Variants in CDH18 observed in about 807,000 individuals in gnomAD.
CDH18 encodes the protein cadherin-18.
In CDH18, 31 loss-of-function variants were observed where a neutral mutation model predicts 67.9. The observed-to-expected ratio is 0.46, with a 90% confidence interval of 0.34 to 0.62. The LOEUF is 0.62. Ranked by LOEUF, CDH18 falls within the 20% of genes least tolerant of loss-of-function variation. The probability of loss-of-function intolerance (pLI) is 0.01; values close to 1 mark genes in which losing one functional copy is unlikely to be tolerated. For synonymous variants in CDH18, 362 were observed against 347.2 expected (o/e 1.04, Z -0.48); for missense variants, 890 against 975.5 (o/e 0.91, Z 1.17).
At chr5:19,767,274 G>T (rs1773214642) in intron 3 of CDH18, among the ~76,000 whole-genome samples, 2 of 151,840 alleles carry the variant, frequency 1.3e-5, no homozygotes, top group Non-Finnish European at 2.9e-5. Context: ...GTTTTATAAG[G>T]TCACAAATAA....
intron 2 of CDH18, among the ~76,000 whole-genome samples, chr5:19,873,485 G>A (rs2150028585): frequency 6.6e-6 from 1 of 152,108 alleles, no homozygotes; most frequent in South Asian, 2.1e-4. Context: ...GGAAAGGCAA[G>A]AAGTTGAAAA....
rs538768800 is a variant in CDH18, at chr5:20,066,013, G to A, written c.-517-73999C>T. 3.9e-5 allele frequency among the ~76,000 whole-genome samples: 6 copies of A among 152,106 alleles called. No homozygotes were observed. The South Asian group carries it at 1.2e-3, about 32-fold the overall frequency. On this transcript the variant is annotated intron_variant, in intron 2 of 14. Coordinates refer to the CDH18 transcript ENST00000507958. The stretch of plus-strand genomic sequence containing the variant: ...TTTTATTGATGACATTTTCAAATTA[G>A]AGATATGTATTTTTAATAAAAAATG...
rs548172912 is a variant in CDH18, at chr5:20,349,313, C to T, written c.-579-93808G>A. Among the ~76,000 whole-genome samples, 7 of 152,058 alleles carry T rather than the reference C, an allele frequency of 4.6e-5. No individual in the cohort carries two copies. The South Asian group carries it at 1.0e-3, about 23-fold the overall frequency. On this transcript the variant is annotated intron_variant, in intron 1 of 14. Coordinates refer to the CDH18 transcript ENST00000507958. The stretch of plus-strand genomic sequence containing the variant: ...TTTTGCCTTTTTCAAGACAAAAGAT[C>T]GAATTTTAGTATGATGTGATTTAAG...
At chr5:19,598,388 C>T (rs751153014) in intron 6 of CDH18, among the ~76,000 whole-genome samples, 3 of 151,978 alleles carry the variant, frequency 2.0e-5, no homozygotes, top group Admixed American at 6.6e-5. Context: ...TCCAACTTTA[C>T]GCTGGGCATT....
At chr5:20,443,132 C>T (rs1004195922) in intron 1 of CDH18, among the ~76,000 whole-genome samples, 2 of 138,270 alleles carry the variant, frequency 1.4e-5, no homozygotes, top group South Asian at 4.8e-4. Context: ...ATGGCGTGAA[C>T]CCGGGAGGCG....
chr5:20,510,752 G>A (rs1581130837), intron 1 of CDH18, among the ~76,000 whole-genome samples: 1 of 152,116 alleles, frequency 6.6e-6, no homozygotes, highest in East Asian at 1.9e-4. Context: ...TATTTCCTCT[G>A]GATGATTAAG....
rs753965365 is a variant in CDH18, at chr5:19,747,167, T to A, written c.298A>T (p.Ile100Leu). ...CCCGTGGTATCGTCAATGATAAATA[T>A]AGTCCCAGCACCCTCTCCAGTAAGG... ...YILTGEGAGT[I>L]FIIDDTTGDI... The change falls in exon 4 of 13, where the codon ATA becomes TTA. Residue 100 changes from isoleucine to leucine, a missense_variant. Ile to Leu is a conservative substitution (Grantham distance 5, BLOSUM62 2). Coordinates refer to ENST00000382275, the MANE Select transcript of CDH18 (RefSeq NM_004934.5). The A allele has an allele frequency of 1.9e-6, 3 of 1,613,994 alleles. No individual in the cohort carries two copies. Among genetic ancestry groups the A allele is most frequent in the East Asian group, 2.2e-5 (1 of 44,866 alleles).
intron 2 of CDH18, among the ~76,000 whole-genome samples, chr5:20,081,019 T>A (rs1237791447): frequency 6.6e-6 from 1 of 152,164 alleles, no homozygotes; most frequent in Non-Finnish European, 1.5e-5. Flanking sequence ...AAAAAGATTT[T>A]TTATTTAATT....
chr5:20,319,390 C>G (rs1018402300), intron 1 of CDH18, among the ~76,000 whole-genome samples: 1 of 152,156 alleles, frequency 6.6e-6, no homozygotes, highest in Non-Finnish European at 1.5e-5. Flanking sequence ...TATCACTGGA[C>G]ACTTCTCACA....
At chr5:20,518,675 T>C (rs1190317843) in intron 1 of CDH18, among the ~76,000 whole-genome samples, 3 of 152,182 alleles carry the variant, frequency 2.0e-5, no homozygotes, top group Non-Finnish European at 2.9e-5. Context: ...TAAGGAGCCA[T>C]GTGGGCCTGA....
At chr5:20,109,812 A>C (rs1457400786) in intron 2 of CDH18, among the ~76,000 whole-genome samples, 1 of 152,214 alleles carries the variant, frequency 6.6e-6, no homozygotes, top group Non-Finnish European at 1.5e-5. Flanking sequence ...CTAACTTCAA[A>C]GAGGTTTTTG....
intron 3 of CDH18, among the ~76,000 whole-genome samples, chr5:19,760,560 C>T (rs62353614): frequency 0.1 from 15,490 of 152,144 alleles, 879 homozygotes; most frequent in Admixed American, 0.15. Flanking sequence ...ACTTAGTGAG[C>T]CCAGATCAAT....
intron 2 of CDH18, among the ~76,000 whole-genome samples, chr5:20,132,192 A>C (rs1274748781): frequency 6.6e-6 from 1 of 152,150 alleles, no homozygotes; most frequent in African/African-American, 2.4e-5. Context: ...CCTGGCCAAC[A>C]ATAAAGTCTT....
At chr5:19,950,092 A>G (rs989939308) in intron 2 of CDH18, among the ~76,000 whole-genome samples, 1 of 151,440 alleles carries the variant, frequency 6.6e-6, no homozygotes, top group Non-Finnish European at 1.5e-5. Context: ...TGATATATAC[A>G]TATATATCAC....
At chr5:19,590,959 A>C in intron 7 of CDH18, 98 bp downstream of exon 7, 1 of 621,464 alleles carries the variant, frequency 1.6e-6, no homozygotes, top group East Asian at 2.7e-5. Flanking sequence ...TTATCATTTT[A>C]ATGGCCTGAC....
intron 2 of CDH18, among the ~76,000 whole-genome samples, chr5:19,873,670 CAG>C (rs982683403): frequency 2.5e-4 from 38 of 151,860 alleles, no homozygotes; most frequent in Admixed American, 1.8e-3. Context: ...TCTTTTGAGA[CAG>C]AGTCTTGCTT....
chr5:19,750,051 CG>C (rs1407218562), intron 3 of CDH18, among the ~76,000 whole-genome samples: 1 of 151,924 alleles, frequency 6.6e-6, no homozygotes, highest in East Asian at 1.9e-4. Context: ...TTTTAAATAA[CG>C]TAGATGATCA....
chr5:19,637,830 G>C (rs1378281636), intron 5 of CDH18, among the ~76,000 whole-genome samples: 1 of 152,070 alleles, frequency 6.6e-6, no homozygotes, highest in Non-Finnish European at 1.5e-5. Context: ...ATTCAGACTT[G>C]ACCCTAATCT....
intron 9 of CDH18, among the ~76,000 whole-genome samples, chr5:19,525,181 ACTG>A (rs1177750340): frequency 6.6e-6 from 1 of 152,186 alleles, no homozygotes. Context: ...CAAGCAGTTG[ACTG>A]CTATCAGCTG....
Sources: allele counts gnomAD v4.1 joint callset (sites outside exome capture counted in the v4.1 genomes callset), GRCh38; gene constraint gnomAD v4.1.1; transcripts MANE v1.5; gene names NCBI Gene and HGNC (gene_info 2026-07-23, HGNC 2026-07-21).